Variants in HIPK3 observed in about 807,000 individuals in gnomAD.
The protein encoded by HIPK3 is homeodomain-interacting protein kinase 3.
A neutral mutation model predicts 124.2 loss-of-function variants in HIPK3; 47 were observed. The ratio of observed to expected loss-of-function variants is 0.38; its 90% CI spans 0.30 to 0.48. The LOEUF is 0.48. Among genes scored for constraint, HIPK3 ranks in the 20% least tolerant of loss-of-function variants. HIPK3 has a pLI of 0.98. For synonymous variants in HIPK3, 482 were observed against 515.2 expected (o/e 0.94, Z 0.87); for missense variants, 1,286 against 1,454.3 (o/e 0.88, Z 1.88).
intron 1 of HIPK3, among the ~76,000 whole-genome samples, chr11:33,274,993 A>G (rs1048375024): frequency 3.9e-5 from 6 of 152,160 alleles, no homozygotes; most frequent in Admixed American, 2.6e-4. Context: ...GGTTTAGTTT[A>G]TTAAGTTTTA....
chr11:33,342,136 G>C (rs1853356275), intron 8 of HIPK3, among the ~76,000 whole-genome samples: 1 of 148,406 alleles, frequency 6.7e-6, no homozygotes, highest in African/African-American at 2.5e-5. Flanking sequence ...AATTTAAGCT[G>C]TTCAATAAGC....
chr11:33,271,109 T>A (rs188450836), intron 1 of HIPK3, among the ~76,000 whole-genome samples: 1 of 152,202 alleles, frequency 6.6e-6, no homozygotes, highest in Admixed American at 6.5e-5. Flanking sequence ...ACTGCCTTAG[T>A]GGTAATTTTT....
chr11:33,334,518 G>A (rs1211555025), intron 3 of HIPK3, among the ~76,000 whole-genome samples: 1 of 152,118 alleles, frequency 6.6e-6, no homozygotes, highest in African/African-American at 2.4e-5. Context: ...GTTTGCTAGG[G>A]TTAGAGGTCT....
At chr11:33,263,649 A>G (rs756107507) in intron 1 of HIPK3, among the ~76,000 whole-genome samples, 9 of 152,188 alleles carry the variant, frequency 5.9e-5, no homozygotes, top group Non-Finnish European at 1.0e-4. Flanking sequence ...TGGAGCCCAG[A>G]GTTCACTTAG....
At chr11:33,304,931 A>G (rs557670672) in intron 2 of HIPK3, among the ~76,000 whole-genome samples, 13 of 152,356 alleles carry the variant, frequency 8.5e-5, no homozygotes, top group African/African-American at 3.1e-4. Flanking sequence ...TTTTCTTCAC[A>G]TTCTTATCAT....
upstream of HIPK3, chr11:33,256,682 T>C (rs894074207): frequency 2.0e-6 from 2 of 980,294 alleles, no homozygotes; most frequent in African/African-American, 1.8e-5. Flanking sequence ...GATTTCCTAA[T>C]CTCCAGGAGG....
At chr11:33,341,293 GA>G (rs1252777250) in intron 7 of HIPK3, among the ~76,000 whole-genome samples, 166 bp downstream of exon 7, 1 of 152,030 alleles carries the variant, frequency 6.6e-6, no homozygotes, top group Non-Finnish European at 1.5e-5. Context: ...GTAATAATTG[GA>G]ACATATCTAC....
rs1853319651 is a variant in HIPK3 at position 33,341,107 on chromosome 11, A to G, written c.1753A>G (p.Ile585Val). 4.4e-6 allele frequency: 7 copies of G among 1,595,562 alleles called. No homozygotes were observed. The East Asian group carries it at 1.6e-4, about 36-fold the overall frequency. The change falls in exon 7 of 17, where the codon ATC becomes GTC. Residue 585 changes from isoleucine (I) to valine (V), a missense_variant. Coordinates refer to ENST00000303296, the MANE Select transcript of HIPK3 (RefSeq NM_005734.5). ...TACACTGACTGCAAATTTTACTAAA[A>G]TCGGAACATTAAGAAGTCAGGTAAG... is the stretch of plus-strand genomic sequence containing the variant. ...TATLTANFTK[I>V]GTLRSQALTT...
intron 1 of HIPK3, among the ~76,000 whole-genome samples, chr11:33,268,650 G>A (rs947404226): frequency 6.6e-6 from 1 of 151,386 alleles, no homozygotes; most frequent in Non-Finnish European, 1.5e-5. Context: ...AAGGTGTTTG[G>A]TATGATGACA....
chr11:33,332,473 A>G (rs976608933), intron 3 of HIPK3, among the ~76,000 whole-genome samples: 2 of 152,154 alleles, frequency 1.3e-5, no homozygotes, highest in Non-Finnish European at 2.9e-5. Flanking sequence ...TTATGGATGG[A>G]TGGATGGTTG....
chr11:33,283,664 T>G (rs1415831805), intron 1 of HIPK3, among the ~76,000 whole-genome samples: 1 of 151,884 alleles, frequency 6.6e-6, no homozygotes, highest in African/African-American at 2.4e-5. Context: ...CTTGGTAAAC[T>G]TCAGTTTTCT....
At position 33,348,408 on chromosome 11, in the gene HIPK3, A is replaced by G. The variant is rs1484986133; in HGVS notation, c.2370-114A>G. ...AACTCAAGATCTGTTAGTGTGTTAT[A>G]TTCATGAACTCGAACAAGTGAAGGT... is the stretch of plus-strand genomic sequence containing the variant. On this transcript the variant is annotated intron_variant, in intron 12 of 16. Transcript: ENST00000303296. 14 of 1,034,104 alleles carry G rather than the reference A, an allele frequency of 1.4e-5. No homozygotes were observed. The East Asian group carries it at 3.4e-4, about 25-fold the overall frequency. 64.1% of individuals were successfully genotyped at this position (1,034,104 alleles called of 1,614,324 possible). A position where few individuals can be genotyped will look rare whatever the true frequency, so the allele number is the denominator to read the frequency against.
chr11:33,304,794 T>G (rs1255156370), intron 2 of HIPK3, among the ~76,000 whole-genome samples: 1 of 152,188 alleles, frequency 6.6e-6, no homozygotes, highest in East Asian at 1.9e-4. Flanking sequence ...CATAACATAT[T>G]TCTAGAGGGA....
intron 1 of HIPK3, among the ~76,000 whole-genome samples, chr11:33,271,923 A>C (rs1287661370): frequency 1.3e-5 from 2 of 152,244 alleles, no homozygotes; most frequent in African/African-American, 4.8e-5. Flanking sequence ...AACATAAAGA[A>C]AAAATCTGTT....
At chr11:33,271,588 C>T (rs1052595442) in intron 1 of HIPK3, among the ~76,000 whole-genome samples, 1 of 152,028 alleles carries the variant, frequency 6.6e-6, no homozygotes, top group Non-Finnish European at 1.5e-5. Context: ...TAAATAAAGT[C>T]AATTTTAGTT....
At chr11:33,309,788 G>T (rs1463253087) in intron 2 of HIPK3, among the ~76,000 whole-genome samples, 1 of 152,146 alleles carries the variant, frequency 6.6e-6, no homozygotes, top group East Asian at 1.9e-4. Flanking sequence ...CCAGTACACT[G>T]TACTGCTAAA....
intron 3 of HIPK3, among the ~76,000 whole-genome samples, chr11:33,329,355 G>A (rs749493715): frequency 3.3e-5 from 5 of 151,984 alleles, no homozygotes; most frequent in Non-Finnish European, 7.4e-5. Flanking sequence ...AATCAACAAA[G>A]TAGTTACATT....
intron 3 of HIPK3, among the ~76,000 whole-genome samples, chr11:33,334,126 A>G (rs1853067810): frequency 1.3e-5 from 2 of 152,330 alleles, no homozygotes; most frequent in South Asian, 2.1e-4. Context: ...GGGGATACAA[A>G]TGTGGATAAA....
At chr11:33,270,480 A>G (rs1454136259) in intron 1 of HIPK3, among the ~76,000 whole-genome samples, 2 of 152,120 alleles carry the variant, frequency 1.3e-5, no homozygotes, top group Non-Finnish European at 2.9e-5. Context: ...GGCTAAGAAA[A>G]TTGAGAATGT....
Sources: allele counts gnomAD v4.1 joint callset (sites outside exome capture counted in the v4.1 genomes callset), GRCh38; gene constraint gnomAD v4.1.1; transcripts MANE v1.5; gene names NCBI Gene and HGNC (gene_info 2026-07-23, HGNC 2026-07-21).